Variants in ARHGEF7 observed in about 807,000 individuals in gnomAD.
ARHGEF7 encodes Rho guanine nucleotide exchange factor 7.
ARHGEF7 carries 33 observed loss-of-function variants against 109.8 expected under a neutral mutation model. The observed-to-expected ratio is 0.30, with a 90% CI of 0.23 to 0.40. The LOEUF (loss-of-function observed/expected upper bound fraction) is 0.40, where lower values mean the gene tolerates loss of function less well. Ranked by LOEUF, ARHGEF7 falls within the 10% of genes least tolerant of loss-of-function variation. The pLI, the probability that ARHGEF7 is intolerant of heterozygous loss-of-function variation, is 1.00. For missense variants in ARHGEF7, 938 were observed against 1,098.5 expected (o/e 0.85, Z 2.07); for synonymous variants, 458 against 424.6 (o/e 1.08, Z -0.97).
chr13:111,153,348 T>C (rs936726360), intron 1 of ARHGEF7, among the ~76,000 whole-genome samples: 1 of 151,710 alleles, frequency 6.6e-6, no homozygotes, highest in Non-Finnish European at 1.5e-5. Context: ...GCGGGTGCGC[T>C]GTGTCTGCGG....
intron 1 of ARHGEF7, among the ~76,000 whole-genome samples, chr13:111,128,597 C>T (rs1454881243): frequency 1.3e-5 from 2 of 152,112 alleles, no homozygotes; most frequent in Non-Finnish European, 2.9e-5. Flanking sequence ...TATATATTAG[C>T]AACAAATGAT....
rs149549469 is a variant in ARHGEF7 at position 111,159,504 on chromosome 13, A to G, written c.252+5513A>G. Among the ~76,000 whole-genome samples, 346 of 152,322 alleles carry G rather than the reference A, an allele frequency of 2.3e-3. 3 individuals carry two copies. Among genetic ancestry groups the G allele is most frequent in the African/African-American group, 7.9e-3 (330 of 41,570 alleles). On this transcript the variant is annotated intron_variant, in intron 2 of 21. Transcript: ENST00000646102. ...TTCAGGAATTTACATTCCCACCAAC[A>G]ATGTGCAAGGCTTATCTTTTCTCCA...
At chr13:111,118,501 A>G (rs779371728) in intron 1 of ARHGEF7, among the ~76,000 whole-genome samples, 22 of 152,182 alleles carry the variant, frequency 1.4e-4, no homozygotes, top group Non-Finnish European at 2.9e-4. Flanking sequence ...CCTTCTCTGT[A>G]TCTGGAGATC....
At chr13:111,125,687 C>T (rs1270527313) in intron 1 of ARHGEF7, among the ~76,000 whole-genome samples, 6 of 152,212 alleles carry the variant, frequency 3.9e-5, no homozygotes, top group African/African-American at 1.4e-4. Flanking sequence ...GAGTGTCTCA[C>T]TACTAATTTC....
At chr13:111,242,704 C>G (rs1279737429) in intron 6 of ARHGEF7, among the ~76,000 whole-genome samples, 1 of 152,236 alleles carries the variant, frequency 6.6e-6, no homozygotes, top group African/African-American at 2.4e-5. Flanking sequence ...CCAAAGAAGA[C>G]AGTGTGGTGC....
rs377091646 is a variant in ARHGEF7 at position 111,266,207 on chromosome 13, G to A, written c.951-1341G>A. On this transcript the variant is annotated intron_variant, in intron 8 of 21. Transcript: ENST00000646102. This position sits in a 1 kb window ranked among gnomAD's most constrained non-coding sequence, Gnocchi z 4.8. The stretch of plus-strand genomic sequence containing the variant: ...GTTAGAGGAAGCGATTTCCACCCCC[G>A]TTTCAAGGGGTGCTTCAGTGTTTCT... 2.0e-5 allele frequency among the ~76,000 whole-genome samples: 3 copies of A among 151,956 alleles called. No individual in the cohort carries two copies. The highest frequency in any genetic ancestry group is 6.6e-5 in the Admixed American group (1 of 15,256).
At chr13:111,153,857 G>A (rs1393673159) in intron 1 of ARHGEF7, 48 bp from the exon 2 acceptor site, 2 of 1,573,924 alleles carry the variant, frequency 1.3e-6, no homozygotes, top group Non-Finnish European at 1.7e-6. Context: ...TGTCCGCGGC[G>A]TCCCCGCTGC....
chr13:111,132,069 G>C lies in ARHGEF7; in HGVS notation c.165+16378G>C, dbSNP rs192897947. 2.7e-3 allele frequency among the ~76,000 whole-genome samples: 414 copies of C among 152,308 alleles called. 3 individuals are homozygous for C. Among genetic ancestry groups the C allele is most frequent in the Non-Finnish European group, 2.5e-3 (170 of 68,032 alleles). On this transcript the variant is annotated intron_variant, in intron 1 of 21. Transcript: ENST00000646102. ...GATTAGGGCACTCATTAACTGTCTTGAATGTTTGGTTAAGAGGAAGTGATC... is the reference window on the plus strand; with the variant it reads ...GATTAGGGCACTCATTAACTGTCTTCAATGTTTGGTTAAGAGGAAGTGATC...
At chr13:111,123,928 TTGC>T (rs2067386091) in intron 1 of ARHGEF7, among the ~76,000 whole-genome samples, 1 of 147,998 alleles carries the variant, frequency 6.8e-6, no homozygotes, top group African/African-American at 2.5e-5. Context: ...AGTCTCTCAT[TTGC>T]TGACCTTTCC....
chr13:111,257,922 G>A (rs2090622251), intron 8 of ARHGEF7, among the ~76,000 whole-genome samples: 1 of 152,240 alleles, frequency 6.6e-6, no homozygotes, highest in African/African-American at 2.4e-5. Flanking sequence ...TGGAACCTGA[G>A]TTCTGGCAGG....
At chr13:111,209,044 C>T (rs540558584) in intron 3 of ARHGEF7, among the ~76,000 whole-genome samples, 125 of 152,250 alleles carry the variant, frequency 8.2e-4, no homozygotes, top group African/African-American at 2.9e-3. Flanking sequence ...TTATAAGATA[C>T]GTGCAAGCCA....
chr13:111,284,160 T>G (rs2153612929), intron 16 of ARHGEF7, among the ~76,000 whole-genome samples: 1 of 152,128 alleles, frequency 6.6e-6, no homozygotes, highest in African/African-American at 2.4e-5. Flanking sequence ...TGCGCGTCAG[T>G]GTGAGCAGCA....
At chr13:111,295,523 A>G (rs528728256) in intron 19 of ARHGEF7, among the ~76,000 whole-genome samples, 2 of 152,300 alleles carry the variant, frequency 1.3e-5, no homozygotes, top group Admixed American at 6.5e-5. Context: ...AAATGTTTTT[A>G]TTTAGACTAA....
chr13:111,292,768 T>G (rs1459304086), intron 19 of ARHGEF7: 2 of 1,005,110 alleles, frequency 2.0e-6, no homozygotes, highest in East Asian at 2.0e-4. Flanking sequence ...TTAAGTGCTA[T>G]GAACACTGAT....
intron 1 of ARHGEF7, chr13:111,143,641 A>G (rs1183605856): frequency 6.6e-6 from 1 of 152,196 alleles, no homozygotes; most frequent in African/African-American, 2.4e-5. Flanking sequence ...ACCAGACTCA[A>G]CTTGAGTTGT....
At chr13:111,235,250 C>T (rs1156643920) in intron 6 of ARHGEF7, among the ~76,000 whole-genome samples, 1 of 152,220 alleles carries the variant, frequency 6.6e-6, no homozygotes, top group Non-Finnish European at 1.5e-5. Context: ...TTAGTTTCTC[C>T]ATTAATCTTG....
chr13:111,123,721 T>C (rs555597886), intron 1 of ARHGEF7, among the ~76,000 whole-genome samples: 1 of 152,362 alleles, frequency 6.6e-6, no homozygotes, highest in South Asian at 2.1e-4. Flanking sequence ...GGCACTGTTC[T>C]AAGGACTTTG....
chr13:111,229,913 G>T (rs1455197350), intron 5 of ARHGEF7, among the ~76,000 whole-genome samples: 3 of 152,256 alleles, frequency 2.0e-5, no homozygotes, highest in Middle Eastern at 3.4e-3. Context: ...TATTTCTCTA[G>T]ACCAGTGCAT....
chr13:111,208,479 G>A (rs764353250), intron 3 of ARHGEF7, among the ~76,000 whole-genome samples: 1 of 152,144 alleles, frequency 6.6e-6, no homozygotes, highest in Non-Finnish European at 1.5e-5. Flanking sequence ...TGTTCTCAAG[G>A]CATTTAGTTG....
Sources: allele counts gnomAD v4.1 joint callset (sites outside exome capture counted in the v4.1 genomes callset), GRCh38; gene constraint gnomAD v4.1.1; non-coding constraint Gnocchi (gnomAD v3.1); transcripts MANE v1.5; gene names NCBI Gene and HGNC (gene_info 2026-07-23, HGNC 2026-07-21).